ASCC3: variants seen among roughly 807,000 people sequenced by gnomAD.
ASCC3 encodes the protein ASC-1 complex subunit P200.
A neutral mutation model predicts 256.3 loss-of-function variants in ASCC3; 158 were observed. That is an observed-to-expected ratio of 0.62 (90% CI 0.54 to 0.70). The LOEUF is 0.70. Ranked by LOEUF, ASCC3 falls within the 30% of genes least tolerant of loss-of-function variation. ASCC3 has a pLI of 0.00. For missense variants in ASCC3, 2,259 were observed against 2,626.0 expected (o/e 0.86, Z 3.05); for synonymous variants, 948 against 883.4 (o/e 1.07, Z -1.30).
At chr6:100,663,672 A>G (rs1776335126) in intron 14 of ASCC3, among the ~76,000 whole-genome samples, 1 of 152,138 alleles carries the variant, frequency 6.6e-6, no homozygotes. Flanking sequence ...TTGTATGCTG[A>G]GGTTGCTAAA....
At chr6:100,701,096 G>A (rs922828415) in intron 13 of ASCC3, among the ~76,000 whole-genome samples, 14 of 152,220 alleles carry the variant, frequency 9.2e-5, no homozygotes, top group Admixed American at 5.9e-4. Flanking sequence ...GGAGGAACCC[G>A]GTTGGAGGTA....
At chr6:100,737,484 G>A (rs1425697781) in intron 10 of ASCC3, among the ~76,000 whole-genome samples, 1 of 152,028 alleles carries the variant, frequency 6.6e-6, no homozygotes, top group Non-Finnish European at 1.5e-5. Context: ...GTGGTGTTTG[G>A]TTTTCTGTTC....
intron 36 of ASCC3, among the ~76,000 whole-genome samples, chr6:100,562,723 T>C (rs1039193390): frequency 2.6e-5 from 4 of 152,080 alleles, no homozygotes; most frequent in South Asian, 4.1e-4. Flanking sequence ...TTTGTGTACA[T>C]ACATTTTGAC....
intron 8 of ASCC3, among the ~76,000 whole-genome samples, chr6:100,796,055 C>T (rs987631459): frequency 6.6e-6 from 1 of 151,852 alleles, no homozygotes; most frequent in Non-Finnish European, 1.5e-5. Context: ...GTATTATTCC[C>T]CAGTTATTAT....
intron 10 of ASCC3, among the ~76,000 whole-genome samples, chr6:100,729,129 T>C (rs1256347431): frequency 6.6e-6 from 1 of 152,128 alleles, no homozygotes; most frequent in African/African-American, 2.4e-5. Flanking sequence ...ACTGGTACTT[T>C]AACAACAAGA....
rs898205862 is a variant in ASCC3, at chr6:100,856,121, T to C, written c.242-7414A>G. On this transcript the variant is annotated intron_variant, in intron 3 of 41. Coordinates refer to ENST00000369162, the MANE Select transcript of ASCC3 (RefSeq NM_006828.4). ...CAAATGTGAAGAAAAGGCCAAATCA[T>C]TAGCACAGACTTGAGCCCTACCATT... is the stretch of plus-strand genomic sequence containing the variant. 4.6e-5 allele frequency among the ~76,000 whole-genome samples: 7 copies of C among 152,128 alleles called. No homozygotes were observed. The South Asian group carries it at 8.3e-4, about 18-fold the overall frequency.
intron 13 of ASCC3, among the ~76,000 whole-genome samples, chr6:100,700,210 TAG>T: frequency 6.6e-6 from 1 of 152,114 alleles, no homozygotes; most frequent in Admixed American, 6.5e-5. Context: ...GCGTGCAGCC[TAG>T]GGACTTGGTG....
At chr6:100,713,822 G>A (rs1196098988) in intron 13 of ASCC3, among the ~76,000 whole-genome samples, 2 of 152,018 alleles carry the variant, frequency 1.3e-5, no homozygotes, top group African/African-American at 4.8e-5. Flanking sequence ...ACATTCCTTA[G>A]CTAACAATAT....
intron 4 of ASCC3, among the ~76,000 whole-genome samples, chr6:100,845,729 A>AT (rs1772350756): frequency 1.3e-5 from 2 of 152,144 alleles, no homozygotes; most frequent in African/African-American, 4.8e-5. Context: ...ATGTAATCAT[A>AT]TGAATATACT....
At chr6:100,778,135 C>T (rs1052124878) in intron 8 of ASCC3, among the ~76,000 whole-genome samples, 3 of 150,384 alleles carry the variant, frequency 2.0e-5, no homozygotes, top group South Asian at 2.1e-4. Flanking sequence ...TCAAAGATGA[C>T]GTTTTTCTTG....
intron 13 of ASCC3, among the ~76,000 whole-genome samples, chr6:100,695,495 T>C (rs1204060817): frequency 1.3e-5 from 2 of 152,116 alleles, no homozygotes; most frequent in Non-Finnish European, 2.9e-5. Context: ...TTCTGAGTAA[T>C]AGAAACTAAA....
At chr6:100,694,568 G>C (rs557923289) in intron 13 of ASCC3, among the ~76,000 whole-genome samples, 1 of 152,260 alleles carries the variant, frequency 6.6e-6, no homozygotes, top group East Asian at 1.9e-4. Flanking sequence ...AGGTGTGTTT[G>C]CAGAAATAGT....
chr6:100,530,037 C>T (rs1774791102), intron 37 of ASCC3, among the ~76,000 whole-genome samples: 2 of 151,238 alleles, frequency 1.3e-5, no homozygotes, highest in South Asian at 2.1e-4. Flanking sequence ...GTGTGCAGTT[C>T]TCCAAATATT....
chr6:100,855,119 T>C (rs1168007315), intron 3 of ASCC3, among the ~76,000 whole-genome samples: 1 of 151,858 alleles, frequency 6.6e-6, no homozygotes, highest in Non-Finnish European at 1.5e-5. Flanking sequence ...CCTTTTTTTT[T>C]TTTTCTTTTT....
At chr6:100,565,892 A>G (rs1258608641) in intron 36 of ASCC3, among the ~76,000 whole-genome samples, 1 of 152,166 alleles carries the variant, frequency 6.6e-6, no homozygotes, top group African/African-American at 2.4e-5. Context: ...ATTACTTGGC[A>G]GCATAATAGT....
At chr6:100,790,978 C>A (rs1769325725) in intron 8 of ASCC3, among the ~76,000 whole-genome samples, 1 of 151,768 alleles carries the variant, frequency 6.6e-6, no homozygotes, top group Admixed American at 6.6e-5. Flanking sequence ...AAAACATAGA[C>A]AGTATTTCCC....
At chr6:100,719,685 A>G (rs1314968078) in intron 11 of ASCC3, among the ~76,000 whole-genome samples, 3 of 151,976 alleles carry the variant, frequency 2.0e-5, no homozygotes, top group Non-Finnish European at 4.4e-5. Context: ...CAAACCTTCA[A>G]GTCTATACAC....
intron 34 of ASCC3, among the ~76,000 whole-genome samples, chr6:100,597,615 G>A (rs1346397078): frequency 1.3e-5 from 2 of 151,918 alleles, no homozygotes; most frequent in African/African-American, 2.4e-5. Context: ...GCCCAGCCAC[G>A]TATCTCAACA....
At chr6:100,518,281 C>G (rs550326463) in intron 37 of ASCC3, 139 bp from the exon 38 acceptor site, 1 of 942,766 alleles carries the variant, frequency 1.1e-6, no homozygotes, top group Admixed American at 2.1e-5. Context: ...AACATAGAAA[C>G]CAGAAAATAA....
Sources: allele counts gnomAD v4.1 joint callset (sites outside exome capture counted in the v4.1 genomes callset), GRCh38; gene constraint gnomAD v4.1.1; transcripts MANE v1.5; gene names NCBI Gene and HGNC (gene_info 2026-07-23, HGNC 2026-07-21).